The following NAALADL2 variants were observed in gnomAD, a reference collection of about 807,000 sequenced individuals.
NAALADL2 encodes N-acetylated alpha-linked acidic dipeptidase like 2, also known as inactive N-acetylated-alpha-linked acidic dipeptidase-like protein 2.
Under a neutral mutation model 87.2 loss-of-function variants are expected in NAALADL2, and 76 were observed. The observed-to-expected ratio is 0.87, with a 90% CI of 0.72 to 1.05. NAALADL2 has a LOEUF of 1.05. Among genes scored for constraint, NAALADL2 ranks in the 50% least tolerant of loss-of-function variants. The pLI is 0.00. For synonymous variants in NAALADL2, 354 were observed against 331.0 expected (o/e 1.07, Z -0.75); for missense variants, 1,089 against 945.8 (o/e 1.15, Z -1.99).
intron 2 of NAALADL2, among the ~76,000 whole-genome samples, chr3:174,625,384 T>TA (rs1375186767): frequency 1.3e-5 from 2 of 152,052 alleles, no homozygotes; most frequent in African/African-American, 2.4e-5. Context: ...GTAATGGCTG[T>TA]ACACAGAAAA....
chr3:175,677,478 GGTGTGTGT>G lies in NAALADL2; in HGVS notation c.1896+50125_1896+50132del, dbSNP rs144329998. 1.7e-3 allele frequency among the ~76,000 whole-genome samples: 242 copies of G among 140,188 alleles called. 1 individual carries two copies. Among genetic ancestry groups the G allele is most frequent in the African/African-American group, 5.4e-3 (208 of 38,252 alleles). 92.0% of individuals were successfully genotyped at this position (140,188 alleles called of 152,430 possible). A position where few individuals can be genotyped will look rare whatever the true frequency, so the allele number is the denominator to read the frequency against. On this transcript the variant is annotated intron_variant, in intron 11 of 13. Coordinates refer to ENST00000454872, the MANE Select transcript of NAALADL2 (RefSeq NM_207015.3). ...TGGTGGCTGATAAATAGTATAATGG[GGTGTGTGT>G]GTGTGTGTGTGTGTGTGTGTGTGTG... is the stretch of plus-strand genomic sequence containing the variant.
chr3:175,365,948 C>T (rs1765502470), intron 5 of NAALADL2, among the ~76,000 whole-genome samples: 2 of 142,532 alleles, frequency 1.4e-5, no homozygotes, highest in African/African-American at 5.1e-5. Context: ...TATACATGTG[C>T]CATGCTAGTG....
At chr3:175,314,688 A>ATATATATATAGTTCTAAC (rs1758863191) in intron 4 of NAALADL2, among the ~76,000 whole-genome samples, 5 of 39,620 alleles carry the variant, frequency 1.3e-4, no homozygotes, top group African/African-American at 6.0e-4. Context: ...ATATATATAT[A>ATATATATATAGTTCTAAC]TATATATATA....
At chr3:174,907,638 C>T (rs1011109459) in intron 1 of NAALADL2, among the ~76,000 whole-genome samples, 3 of 152,154 alleles carry the variant, frequency 2.0e-5, no homozygotes, top group Non-Finnish European at 2.9e-5. Context: ...TTTATCGAGT[C>T]CCTAGTGTCT....
intron 1 of NAALADL2, among the ~76,000 whole-genome samples, chr3:174,453,984 A>G (rs986321347): frequency 9.2e-5 from 14 of 152,100 alleles, no homozygotes; most frequent in African/African-American, 3.4e-4. Context: ...TAAAGACCGA[A>G]TTATATGCTG....
chr3:174,770,764 G>A (rs6769413), intron 3 of NAALADL2, among the ~76,000 whole-genome samples: 3,878 of 151,622 alleles, frequency 0.026, 204 homozygotes, highest in East Asian at 0.23. Context: ...GGCGTGAACC[G>A]GGAGGCAGAG....
chr3:175,679,731 C>T (rs909189690), intron 11 of NAALADL2, among the ~76,000 whole-genome samples: 4 of 152,166 alleles, frequency 2.6e-5, no homozygotes, highest in African/African-American at 9.7e-5. Flanking sequence ...GTATTAATAT[C>T]AGCAGCTGCT....
chr3:174,776,466 G>T (rs761527072), intron 3 of NAALADL2, among the ~76,000 whole-genome samples: 10 of 152,032 alleles, frequency 6.6e-5, no homozygotes, highest in Non-Finnish European at 1.3e-4. Context: ...GAAATCTTAT[G>T]AATAACATTG....
At position 174,785,686 on chromosome 3, in the gene NAALADL2, A is replaced by T. The variant is rs909316931; in HGVS notation, c.-9+47940A>T. On this transcript the variant is annotated intron_variant, in intron 3 of 3. Transcript: ENST00000434257. ...GTTGCTACATTTCAATTGAGCGGAC[A>T]TTAAGATGTAGGCTTTAAAAAAAGA... Among the ~76,000 whole-genome samples, 3 of 152,200 alleles carry T rather than the reference A, an allele frequency of 2.0e-5. No homozygotes were observed. In the South Asian group the frequency reaches 6.2e-4, roughly 32 times the overall value.
Position 174,783,683 on chromosome 3 carries a change from G to A in NAALADL2, c.-9+45937G>A, listed in dbSNP as rs564815927. 5.9e-5 allele frequency among the ~76,000 whole-genome samples: 9 copies of A among 152,032 alleles called. No individual in the cohort carries two copies. In the South Asian group the frequency reaches 6.2e-4, roughly 11 times the overall value. ...CAGCTTTCCTGTTTATTTCTTAAGCGGCCATATTTGTAGGCATCAGCATTT... is the reference window on the plus strand; with the variant it reads ...CAGCTTTCCTGTTTATTTCTTAAGCAGCCATATTTGTAGGCATCAGCATTT... On this transcript the variant is annotated intron_variant, in intron 3 of 3. Transcript: ENST00000434257.
intron 3 of NAALADL2, among the ~76,000 whole-genome samples, chr3:174,800,902 A>G (rs1389355183): frequency 6.6e-6 from 1 of 152,162 alleles, no homozygotes; most frequent in African/African-American, 2.4e-5. Flanking sequence ...ATGGACTTGC[A>G]TGGGGCTTGT....
chr3:174,833,976 C>T (rs537293327), intron 3 of NAALADL2, among the ~76,000 whole-genome samples: 60 of 150,364 alleles, frequency 4.0e-4, no homozygotes, highest in African/African-American at 8.3e-4. Context: ...ATGCTTTCTA[C>T]GCAAGATTGG....
chr3:174,920,442 G>A (rs1735006357), intron 1 of NAALADL2, among the ~76,000 whole-genome samples: 1 of 152,134 alleles, frequency 6.6e-6, no homozygotes, highest in Admixed American at 6.6e-5. Flanking sequence ...TAAATCTCAT[G>A]AGCTAACCTC....
At chr3:175,352,035 C>T (rs1421209962) in intron 5 of NAALADL2, among the ~76,000 whole-genome samples, 4 of 152,058 alleles carry the variant, frequency 2.6e-5, no homozygotes, top group Non-Finnish European at 5.9e-5. Flanking sequence ...TGTTGATGCT[C>T]ACAGTGACAC....
At chr3:174,918,617 T>C (rs1401370009) in intron 1 of NAALADL2, among the ~76,000 whole-genome samples, 1 of 152,134 alleles carries the variant, frequency 6.6e-6, no homozygotes, top group East Asian at 1.9e-4. Flanking sequence ...TGAGCTCTCT[T>C]CCACTGAACA....
intron 2 of NAALADL2, among the ~76,000 whole-genome samples, chr3:174,712,747 A>G (rs1730778807): frequency 6.6e-6 from 1 of 152,120 alleles, no homozygotes; most frequent in African/African-American, 2.4e-5. Flanking sequence ...CTTTGATTTT[A>G]GAACAATGAC....
chr3:175,789,488 C>G, intron 13 of NAALADL2, among the ~76,000 whole-genome samples: 1 of 152,104 alleles, frequency 6.6e-6, no homozygotes, highest in East Asian at 1.9e-4. Flanking sequence ...CAATTGAGAA[C>G]ATATTCTACT....
rs538962412 is a variant in NAALADL2 at position 175,371,299 on chromosome 3, G to A, written c.1090+46974G>A. ...TATTATTTTTTGAGACGGAGTACTC[G>A]CTCTTTCGCCCAGGCCGGACTGCAG... On this transcript the variant is annotated intron_variant, in intron 5 of 13. Transcript: ENST00000454872. Among the ~76,000 whole-genome samples the A allele has an allele frequency of 3.8e-4, 58 of 151,976 alleles. 1 individual carries two copies. In the South Asian group the frequency reaches 4.8e-3, roughly 13 times the overall value.
At chr3:174,890,992 T>G (rs1325783008) in intron 1 of NAALADL2, among the ~76,000 whole-genome samples, 1 of 152,138 alleles carries the variant, frequency 6.6e-6, no homozygotes. Flanking sequence ...AAACTATCTC[T>G]TCTAAATATA....
Sources: gnomAD v4.1 joint callset for allele counts (sites outside exome capture counted in the v4.1 genomes callset) on GRCh38, gnomAD v4.1.1 for gene constraint, MANE v1.5 for transcripts, NCBI Gene and HGNC (gene_info 2026-07-23, HGNC 2026-07-21) for gene names.